Variants in SLC15A5 observed in about 807,000 individuals in gnomAD.
The protein encoded by SLC15A5 is solute carrier family 15 member 5.
SLC15A5 carries 58 observed loss-of-function variants against 56.1 expected under a neutral mutation model. That is an observed-to-expected ratio of 1.03 (90% CI 0.84 to 1.29). The LOEUF (loss-of-function observed/expected upper bound fraction) is 1.29, where lower values mean the gene tolerates loss of function less well. Ranked by LOEUF, SLC15A5 falls within the 50% of genes most tolerant of loss-of-function variation. The probability of loss-of-function intolerance (pLI) is 0.00; values close to 1 mark genes in which losing one functional copy is unlikely to be tolerated. For missense variants in SLC15A5, 681 were observed against 672.1 expected (o/e 1.01, Z -0.15); for synonymous variants, 264 against 250.5 (o/e 1.05, Z -0.51).
chr12:16,263,678 G>C (rs896132874), intron 2 of SLC15A5, among the ~76,000 whole-genome samples: 1 of 152,138 alleles, frequency 6.6e-6, no homozygotes, highest in Admixed American at 6.5e-5. Context: ...TGTGGGCCAG[G>C]CCTAGGGTCC....
At chr12:16,203,590 C>G (rs1480686353) in intron 7 of SLC15A5, among the ~76,000 whole-genome samples, 2 of 152,054 alleles carry the variant, frequency 1.3e-5, no homozygotes, top group African/African-American at 2.4e-5. Flanking sequence ...AAGGAATATT[C>G]TTTAAGATCA....
At chr12:16,202,964 G>A (rs1221852531) in intron 7 of SLC15A5, among the ~76,000 whole-genome samples, 2 of 152,062 alleles carry the variant, frequency 1.3e-5, no homozygotes, top group Non-Finnish European at 2.9e-5. Context: ...GGCTGAAGTG[G>A]GGAAGGGGAC....
chr12:16,276,692 C>T lies in SLC15A5; in HGVS notation c.361+633G>A, dbSNP rs569063120. 2.0e-5 allele frequency among the ~76,000 whole-genome samples: 3 copies of T among 152,162 alleles called. No homozygotes were observed. The South Asian group carries it at 6.2e-4, about 32-fold the overall frequency. On this transcript the variant is annotated intron_variant, in intron 1 of 8. Transcript: ENST00000344941. ...CTGTTCTTCAAGTTGCTCTCTATTT[C>T]TTATTAAACTATCTTGATATTTTCC...
chr12:16,214,648 G>T (rs531107882), intron 7 of SLC15A5, among the ~76,000 whole-genome samples: 2 of 152,270 alleles, frequency 1.3e-5, no homozygotes, highest in Admixed American at 1.3e-4. Flanking sequence ...TTCTTATATT[G>T]ATGTGGTTAG....
chr12:16,204,995 A>G (rs1033982581), intron 7 of SLC15A5, among the ~76,000 whole-genome samples: 27 of 152,168 alleles, frequency 1.8e-4, no homozygotes, highest in African/African-American at 6.3e-4. Context: ...ATGAAATAAA[A>G]TGTTGAGTTA....
At chr12:16,253,200 G>A (rs867867875) in intron 3 of SLC15A5, among the ~76,000 whole-genome samples, 5 of 152,074 alleles carry the variant, frequency 3.3e-5, no homozygotes, top group Non-Finnish European at 7.4e-5. Flanking sequence ...TAGGGCAACA[G>A]CTTCAGAAGA....
chr12:16,236,207 G>T (rs1864350486), intron 5 of SLC15A5, among the ~76,000 whole-genome samples: 1 of 151,930 alleles, frequency 6.6e-6, no homozygotes, highest in African/African-American at 2.4e-5. Context: ...CTAAGGAAAG[G>T]AAATACTCAT....
At chr12:16,247,984 A>T (rs1048214569) in intron 3 of SLC15A5, among the ~76,000 whole-genome samples, 1 of 152,096 alleles carries the variant, frequency 6.6e-6, no homozygotes, top group Non-Finnish European at 1.5e-5. Flanking sequence ...AGCCATGAAG[A>T]GATATGAAGA....
chr12:16,196,281 T>C lies in SLC15A5; in HGVS notation c.1484-1828A>G, dbSNP rs944167013. 4.6e-5 allele frequency among the ~76,000 whole-genome samples: 7 copies of C among 152,130 alleles called. No individual in the cohort carries two copies. The highest frequency in any genetic ancestry group is 1.0e-4 in the Non-Finnish European group (7 of 68,008). On this transcript the variant is annotated intron_variant, in intron 7 of 8. Coordinates refer to ENST00000344941, the MANE Select transcript of SLC15A5 (RefSeq NM_001170798.1). The surrounding 1 kb of genome is among the most constrained non-coding windows in gnomAD (Gnocchi z 4.0). Reference sequence around the variant, plus strand: ...TTGCTACAGTTACATGATGCCTGTATCTGGTGTTTAGATGAGTAAATGAAG... The same window carrying C: ...TTGCTACAGTTACATGATGCCTGTACCTGGTGTTTAGATGAGTAAATGAAG...
At chr12:16,229,777 A>G (rs974321205) in intron 5 of SLC15A5, among the ~76,000 whole-genome samples, 1 of 152,150 alleles carries the variant, frequency 6.6e-6, no homozygotes, top group African/African-American at 2.4e-5. Flanking sequence ...GTATTGAAGA[A>G]TGGAATATAA....
At chr12:16,201,577 A>C (rs1443632758) in intron 7 of SLC15A5, among the ~76,000 whole-genome samples, 1 of 152,144 alleles carries the variant, frequency 6.6e-6, no homozygotes, top group African/African-American at 2.4e-5. Flanking sequence ...TAGTTGAATC[A>C]TGGGGGTGGT....
At chr12:16,214,135 A>G (rs1462836347) in intron 7 of SLC15A5, among the ~76,000 whole-genome samples, 1 of 152,226 alleles carries the variant, frequency 6.6e-6, no homozygotes, top group Admixed American at 6.5e-5. Context: ...AAAAAATTAG[A>G]ATAATAATGT....
chr12:16,207,721 T>G (rs1864034438), intron 7 of SLC15A5, among the ~76,000 whole-genome samples: 1 of 151,988 alleles, frequency 6.6e-6, no homozygotes, highest in Non-Finnish European at 1.5e-5. Context: ...TGGTGCAATC[T>G]TGGCTCACTG....
intron 1 of SLC15A5, among the ~76,000 whole-genome samples, chr12:16,274,471 T>C (rs1474920734): frequency 6.6e-6 from 1 of 152,156 alleles, no homozygotes; most frequent in Non-Finnish European, 1.5e-5. Context: ...CTCAATTAGA[T>C]TATAAATTCC....
intron 6 of SLC15A5, among the ~76,000 whole-genome samples, chr12:16,220,437 C>T (rs1864174666): frequency 6.6e-6 from 1 of 152,214 alleles, no homozygotes; most frequent in Admixed American, 6.5e-5. Flanking sequence ...CCTTGACCTC[C>T]AATGTCTGAT....
chr12:16,203,396 A>G (rs1022414952), intron 7 of SLC15A5, among the ~76,000 whole-genome samples: 3 of 152,200 alleles, frequency 2.0e-5, no homozygotes, highest in Non-Finnish European at 4.4e-5. Context: ...AGTATTGTTT[A>G]TTGCACATAT....
chr12:16,231,443 T>C (rs1160959259), intron 5 of SLC15A5, among the ~76,000 whole-genome samples: 1 of 152,142 alleles, frequency 6.6e-6, no homozygotes, highest in East Asian at 1.9e-4. Flanking sequence ...GGAGCTACAA[T>C]CTAAACTGAC....
chr12:16,257,642 G>A (rs960180810), intron 3 of SLC15A5, 59 bp downstream of exon 3: 14 of 1,237,760 alleles, frequency 1.1e-5, no homozygotes, highest in Non-Finnish European at 1.3e-5. Context: ...AAAGAGAAAG[G>A]ATATCTGTCA....
chr12:16,227,172 A>C (rs1287606676), intron 5 of SLC15A5, among the ~76,000 whole-genome samples: 1 of 152,136 alleles, frequency 6.6e-6, no homozygotes, highest in Non-Finnish European at 1.5e-5. Flanking sequence ...TACTATTTTA[A>C]ATTAAGGACT....
Sources: allele counts gnomAD v4.1 joint callset (sites outside exome capture counted in the v4.1 genomes callset), GRCh38; gene constraint gnomAD v4.1.1; non-coding constraint Gnocchi (gnomAD v3.1); transcripts MANE v1.5; gene names NCBI Gene and HGNC (gene_info 2026-07-23, HGNC 2026-07-21).